Variants in BANF2 observed in about 807,000 individuals in gnomAD.
BANF2 encodes BANF family member 2.
A neutral mutation model predicts 8.0 loss-of-function variants in BANF2; 4 were observed. That is an observed-to-expected ratio of 0.50 (90% CI 0.25 to 1.14). BANF2 has a LOEUF of 1.14. Ranked by LOEUF, BANF2 falls within the 50% of genes most tolerant of loss-of-function variation. BANF2 has a pLI of 0.16. For missense variants in BANF2, 96 were observed against 107.5 expected, an observed-to-expected ratio of 0.89 and a Z score of 0.47; for synonymous variants, 50 against 40.6, an observed-to-expected ratio of 1.23 and a Z score of -0.88.
chr20:17,694,202 G>A (rs913375034), intron 1 of BANF2, among the ~76,000 whole-genome samples: 47 of 152,346 alleles, frequency 3.1e-4, no homozygotes, highest in African/African-American at 9.9e-4. Context: ...TATGGGATGG[G>A]AGGTGGACAG....
intron 2 of BANF2, among the ~76,000 whole-genome samples, chr20:17,724,017 A>G (rs1245063525): frequency 6.6e-6 from 1 of 151,984 alleles, no homozygotes; most frequent in Non-Finnish European, 1.5e-5. Context: ...AAAACAAAAA[A>G]CTGGAAGATG....
upstream of BANF2, among the ~76,000 whole-genome samples, chr20:17,699,283 C>A (rs899514160): frequency 3.9e-5 from 6 of 152,206 alleles, no homozygotes; most frequent in Non-Finnish European, 8.8e-5. Context: ...TACTTTGCCC[C>A]CTTTTTTGAG....
chr20:17,725,234 T>C, intron 3 of BANF2, 83 bp downstream of exon 3: 1 of 1,494,242 alleles, frequency 6.7e-7, no homozygotes, highest in South Asian at 1.2e-5. Context: ...TCCTGCCACG[T>C]GTCCCTGTGA....
chr20:17,711,882 A>T (rs1172887140), intron 1 of BANF2, among the ~76,000 whole-genome samples: 1 of 152,178 alleles, frequency 6.6e-6, no homozygotes, highest in Non-Finnish European at 1.5e-5. Flanking sequence ...GTCTCCTTGC[A>T]ATGGAATAGT....
intron 3 of BANF2, chr20:17,731,591 CCT>C (rs1278245698): frequency 6.6e-6 from 1 of 151,452 alleles, no homozygotes; most frequent in Non-Finnish European, 1.5e-5. Context: ...AAATGCAAGA[CCT>C]CTAGTTCAAA....
At chr20:17,732,464 C>G (rs931774994) in intron 3 of BANF2, among the ~76,000 whole-genome samples, 2 of 152,234 alleles carry the variant, frequency 1.3e-5, no homozygotes, top group African/African-American at 4.8e-5. Context: ...CTCCTGGGTT[C>G]TCCTGCCTCA....
At chr20:17,730,846 T>C (rs2037884258) in intron 3 of BANF2, among the ~76,000 whole-genome samples, 1 of 152,230 alleles carries the variant, frequency 6.6e-6, no homozygotes, top group Admixed American at 6.5e-5. Context: ...TCACGTAAGT[T>C]TGGGATTTTT....
chr20:17,693,747 A>AGAGAC (rs2037318761), intron 1 of BANF2: 1 of 1,550,194 alleles, frequency 6.5e-7, no homozygotes, highest in East Asian at 2.4e-5. Context: ...ACGGTGGGGA[A>AGAGAC]GAGACGGCGG....
intron 1 of BANF2, among the ~76,000 whole-genome samples, chr20:17,706,703 G>T (rs1211493091): frequency 3.9e-5 from 6 of 152,224 alleles, no homozygotes; most frequent in East Asian, 1.9e-4. Context: ...CACAAATCCA[G>T]CCAGGTGTGG....
intron 3 of BANF2, among the ~76,000 whole-genome samples, chr20:17,729,552 G>C (rs1028596814): frequency 1.3e-5 from 2 of 152,152 alleles, no homozygotes; most frequent in Non-Finnish European, 1.5e-5. Context: ...GCCTGGCCAA[G>C]GTGGTGAAAC....
At chr20:17,723,677 G>T (rs2051921236) in intron 2 of BANF2, among the ~76,000 whole-genome samples, 1 of 152,228 alleles carries the variant, frequency 6.6e-6, no homozygotes. Context: ...CAAGCGGACA[G>T]CAGCAAAGAT....
intron 1 of BANF2, among the ~76,000 whole-genome samples, chr20:17,713,134 C>G (rs1445683331): frequency 6.6e-6 from 1 of 152,022 alleles, no homozygotes; most frequent in Non-Finnish European, 1.5e-5. Context: ...TATCTGTAGT[C>G]CCAGCTACTA....
intron 3 of BANF2, among the ~76,000 whole-genome samples, 172 bp downstream of exon 3, chr20:17,725,323 C>A (rs1342655777): frequency 6.6e-6 from 1 of 152,254 alleles, no homozygotes; most frequent in Admixed American, 6.5e-5. Context: ...GCTCAGGCAG[C>A]CTCAAGGGCC....
At chr20:17,713,931 C>A (rs1237332395) in intron 1 of BANF2, among the ~76,000 whole-genome samples, 1 of 151,932 alleles carries the variant, frequency 6.6e-6, no homozygotes, top group Non-Finnish European at 1.5e-5. Context: ...GTGGTCTGGG[C>A]ACAGTGGCTC....
chr20:17,715,373 C>G (rs370434086), intron 1 of BANF2, among the ~76,000 whole-genome samples: 2 of 152,286 alleles, frequency 1.3e-5, no homozygotes, highest in African/African-American at 4.8e-5. Context: ...CAAGGCCTTG[C>G]ACACAGATGG....
At chr20:17,703,949 T>A (rs140438751) in intron 1 of BANF2, among the ~76,000 whole-genome samples, 108 of 152,272 alleles carry the variant, frequency 7.1e-4, no homozygotes, top group Non-Finnish European at 9.1e-4. Context: ...GATTTCACCA[T>A]GTTGGCCAGG....
chr20:17,712,970 G>A (rs1194901903), intron 1 of BANF2, among the ~76,000 whole-genome samples: 6 of 152,094 alleles, frequency 3.9e-5, no homozygotes, highest in Non-Finnish European at 8.8e-5. Flanking sequence ...AATCCTGGCC[G>A]GGCATGGTGG....
chr20:17,695,304 A>T (rs1226444337), upstream of BANF2, among the ~76,000 whole-genome samples: 1 of 151,612 alleles, frequency 6.6e-6, no homozygotes, highest in African/African-American at 2.4e-5. Flanking sequence ...TTAAAAAAAA[A>T]TTAGCTGGGC....
At chr20:17,712,350 C>A in intron 1 of BANF2, 1 of 185,246 alleles carries the variant, frequency 5.4e-6, no homozygotes, top group Non-Finnish European at 1.0e-5. Flanking sequence ...TCAAGCTTAT[C>A]TTCCCAGCCA....
Sources: gnomAD v4.1 joint callset for allele counts (sites outside exome capture counted in the v4.1 genomes callset) on GRCh38, gnomAD v4.1.1 for gene constraint, MANE v1.5 for transcripts, NCBI Gene and HGNC (gene_info 2026-07-23, HGNC 2026-07-21) for gene names.